The following TM2D1 variants were observed in gnomAD, a reference collection of about 807,000 sequenced individuals.
TM2D1 encodes the protein TM2 domain containing 1.
Under a neutral mutation model 28.4 loss-of-function variants are expected in TM2D1, and 15 were observed. The observed-to-expected ratio is 0.53, with a 90% confidence interval of 0.35 to 0.81. The LOEUF (loss-of-function observed/expected upper bound fraction) is 0.81. TM2D1 is among the 40% of genes least tolerant of loss of function. TM2D1 has a pLI of 0.01. For missense variants in TM2D1, 236 were observed against 254.9 expected (o/e 0.93, Z 0.50); for synonymous variants, 93 against 96.2 (o/e 0.97, Z 0.20).
At chr1:61,721,476 A>T (rs1450513760) in intron 2 of TM2D1, among the ~76,000 whole-genome samples, 1 of 150,530 alleles carries the variant, frequency 6.6e-6, no homozygotes, top group African/African-American at 2.4e-5. Context: ...CGGGAGGCAG[A>T]GGTTGCAATG....
intron 5 of TM2D1, among the ~76,000 whole-genome samples, chr1:61,691,957 A>ATATATATATATG (rs1557527403): frequency 7.3e-6 from 1 of 136,192 alleles, no homozygotes; most frequent in Non-Finnish European, 1.6e-5. Flanking sequence ...ATATATATAT[A>ATATATATATATG]TATGTATATA....
chr1:61,685,446 T>C lies in TM2D1; in HGVS notation c.514-1900A>G, dbSNP rs569378201. On this transcript the variant is annotated intron_variant, in intron 5 of 6. Coordinates refer to ENST00000606498, the MANE Select transcript of TM2D1 (RefSeq NM_032027.3). Reference sequence around the variant, plus strand: ...CTTTGTTTTTGAAATTGAAGGACATTGCTATAAAGCATTCCTCATTTTAAA... The same window carrying C: ...CTTTGTTTTTGAAATTGAAGGACATCGCTATAAAGCATTCCTCATTTTAAA... 3.0e-4 allele frequency among the ~76,000 whole-genome samples: 45 copies of C among 152,356 alleles called. No homozygotes were observed. The East Asian group carries it at 5.6e-3, about 19-fold the overall frequency.
At chr1:61,698,247 A>G (rs1644377634) in intron 4 of TM2D1, 1 of 152,212 alleles carries the variant, frequency 6.6e-6, no homozygotes, top group Non-Finnish European at 1.5e-5. Context: ...TAAGACAGAT[A>G]AGGCCTCTGC....
intron 2 of TM2D1, among the ~76,000 whole-genome samples, chr1:61,713,488 C>CAAAAAAA (rs369601221): frequency 6.4e-3 from 577 of 90,792 alleles, no homozygotes; most frequent in Non-Finnish European, 8.8e-3. Context: ...AACTCAAAAA[C>CAAAAAAA]AAAAAAAAAA....
At chr1:61,722,890 A>G (rs1165924277) in intron 2 of TM2D1, among the ~76,000 whole-genome samples, 1 of 152,220 alleles carries the variant, frequency 6.6e-6, no homozygotes, top group Admixed American at 6.5e-5. Flanking sequence ...CTCACTTCAT[A>G]CTGGGAAGCT....
At chr1:61,683,571 T>C (rs1413902398) in intron 5 of TM2D1, 25 bp from the exon 6 acceptor site, 2 of 1,106,720 alleles carry the variant, frequency 1.8e-6, no homozygotes, top group Non-Finnish European at 2.5e-6. Context: ...ATTTCAAAAT[T>C]ATTCATTTTA....
chr1:61,699,209 T>C (rs1644385258), intron 4 of TM2D1: 1 of 151,794 alleles, frequency 6.6e-6, no homozygotes, highest in Non-Finnish European at 1.5e-5. Flanking sequence ...TCAGGCATGG[T>C]GGTACATGCC....
chr1:61,714,397 C>T lies in TM2D1; in HGVS notation c.239-4960G>A, dbSNP rs1644501936. Among the ~76,000 whole-genome samples the T allele has an allele frequency of 3.3e-5, 5 of 151,942 alleles. No individual in the cohort carries two copies. The South Asian group carries it at 6.2e-4, about 19-fold the overall frequency. ...CTCTACTAAAAATAGAAAAATCAGC[C>T]GGGCATGCTGGCCTGTGCCAGTAAT... On this transcript the variant is annotated intron_variant, in intron 2 of 6. Coordinates refer to ENST00000606498, the MANE Select transcript of TM2D1 (RefSeq NM_032027.3).
chr1:61,709,467 A>ATTT, intron 2 of TM2D1, 30 bp from the exon 3 acceptor site: 4 of 1,360,604 alleles, frequency 2.9e-6, no homozygotes, highest in East Asian at 2.5e-5. Flanking sequence ...AGAAACTGTT[A>ATTT]TTTTTTTTTT....
At chr1:61,702,054 G>A (rs1052628342) in intron 3 of TM2D1, among the ~76,000 whole-genome samples, 3 of 152,032 alleles carry the variant, frequency 2.0e-5, no homozygotes. Context: ...GCTGGACGTG[G>A]TGGCAGGCAC....
At chr1:61,691,937 A>ATATATATATATG (rs1644330135) in intron 5 of TM2D1, among the ~76,000 whole-genome samples, 2 of 77,784 alleles carry the variant, frequency 2.6e-5, no homozygotes, top group African/African-American at 1.9e-4. Flanking sequence ...AAAAAAATAT[A>ATATATATATATG]TATATATATA....
chr1:61,695,199 CA>C (rs57587623), intron 4 of TM2D1, among the ~76,000 whole-genome samples: 17 of 146,148 alleles, frequency 1.2e-4, no homozygotes, highest in East Asian at 5.9e-4. Context: ...ATTGTCATGC[CA>C]AAAAAAAAAT....
Position 61,683,452 on chromosome 1 carries a change from G to A in TM2D1, c.608C>T (p.Thr203Met), listed in dbSNP as rs377583831. 1.0e-4 allele frequency: 145 copies of A among 1,432,832 alleles called. No homozygotes were observed. The highest frequency in any genetic ancestry group is 3.9e-4 in the Middle Eastern group (2 of 5,092). The allele number at this position is 1,432,832 out of a possible 1,614,324, so 88.8% of individuals were successfully genotyped here. ...LSITNETFRK[T>M]QLYP Reference sequence around the variant, plus strand: ...AAAAAATATTTATGGATATAATTGCGTTTTTCTAAATGTTTCATTAGTAAT... The same window carrying A: ...AAAAAATATTTATGGATATAATTGCATTTTTCTAAATGTTTCATTAGTAAT... Residue 203 changes from threonine to methionine, a missense_variant, in exon 6 of 7, where the codon ACG (threonine) becomes ATG (methionine). Thr to Met is a moderately conservative substitution (Grantham distance 81). Coordinates refer to ENST00000606498, the MANE Select transcript of TM2D1 (RefSeq NM_032027.3).
chr1:61,691,932 A>AAATATATATATATATATAT, intron 5 of TM2D1, among the ~76,000 whole-genome samples: 91 of 76,324 alleles, frequency 1.2e-3, no homozygotes, highest in East Asian at 2.4e-3. Context: ...AAAAAAAAAA[A>AAATATATATATATATATAT]ATATATATAT....
chr1:61,715,020 G>T (rs1158143747), intron 2 of TM2D1, among the ~76,000 whole-genome samples: 1 of 152,178 alleles, frequency 6.6e-6, no homozygotes, highest in African/African-American at 2.4e-5. Flanking sequence ...CACCATAGTG[G>T]AAAGAGGTAC....
intron 3 of TM2D1, among the ~76,000 whole-genome samples, chr1:61,708,550 C>T (rs1644455975): frequency 6.6e-6 from 1 of 152,114 alleles, no homozygotes; most frequent in African/African-American, 2.4e-5. Flanking sequence ...GTCTGGCTAG[C>T]CAAACTGATA....
Position 61,709,418 on chromosome 1 carries a change from G to C in TM2D1, c.258C>G (p.Pro86=), listed in dbSNP as rs762172921. 15 of 1,602,028 alleles carry C rather than the reference G, an allele frequency of 9.4e-6. No homozygotes were observed. Among genetic ancestry groups the C allele is most frequent in the Non-Finnish European group, 1.3e-5 (15 of 1,172,342 alleles). The change falls in exon 3 of 7, where the codon CCC becomes CCG. Residue 86 remains proline, a synonymous_variant. Coordinates refer to ENST00000606498, the MANE Select transcript of TM2D1 (RefSeq NM_032027.3). ...YTAHVSCFPA[P]NITCKDSSGN... The stretch of plus-strand genomic sequence containing the variant: ...CACTGGAATCCTTACAAGTTATGTT[G>C]GGTGCTGGAAAACAGGAAACTGAAG...
chr1:61,716,414 T>C (rs1298158712), intron 2 of TM2D1, among the ~76,000 whole-genome samples: 1 of 145,264 alleles, frequency 6.9e-6, no homozygotes, highest in African/African-American at 2.5e-5. Flanking sequence ...ATTTTATATA[T>C]GTATATAATT....
chr1:61,705,903 A>G (rs1178475663), intron 3 of TM2D1, among the ~76,000 whole-genome samples: 1 of 152,200 alleles, frequency 6.6e-6, no homozygotes, highest in Non-Finnish European at 1.5e-5. Flanking sequence ...ACATTATAGA[A>G]TATTTGCAAT....
Sources: gnomAD v4.1 joint callset for allele counts (sites outside exome capture counted in the v4.1 genomes callset) on GRCh38, gnomAD v4.1.1 for gene constraint, MANE v1.5 for transcripts, NCBI Gene and HGNC (gene_info 2026-07-23, HGNC 2026-07-21) for gene names.